Variants in ARX observed in about 807,000 individuals in gnomAD.
The protein encoded by ARX is homeobox protein ARX.
ARX carries 1 observed loss-of-function variant against 23.1 expected under a neutral mutation model. The ratio of observed to expected loss-of-function variants is 0.04; its 90% CI spans 0.02 to 0.21. ARX has a LOEUF of 0.21. ARX is among the 10% of genes least tolerant of loss of function. The pLI is 1.00. For synonymous variants in ARX, 301 were observed against 270.1 expected (o/e 1.11, Z -1.12); for missense variants, 380 against 527.5 (o/e 0.72, Z 2.74).
chrX:25,007,221 C>A lies in ARX; in HGVS notation c.1338G>T (p.Pro446=). The A allele has an allele frequency of 8.7e-7, 1 of 1,150,196 alleles. No homozygotes were observed. The highest frequency in any genetic ancestry group is 1.2e-6 in the Non-Finnish European group (1 of 868,537). 94.8% of individuals were successfully genotyped at this position (1,150,196 alleles called of 1,213,427 possible). The change falls in exon 4 of 5, where the codon CCG becomes CCT. Residue 446 remains proline (P), a synonymous_variant. Coordinates refer to ENST00000379044, the MANE Select transcript of ARX (RefSeq NM_139058.3). ...AAAAAFPSLP[P]PPGSASLPPS... ...GCGGCAGGCTGGCCGAGCCCGGAGG[C>A]GGAGGTAGGCTCGGGAAGGCGGCGG...
At position 25,015,762 on chromosome X, in the gene ARX, A is replaced by G; in HGVS notation, c.-25T>C. The G allele has an allele frequency of 8.5e-7, 1 of 1,178,484 alleles. No homozygotes were observed. Among genetic ancestry groups the G allele is most frequent in the Non-Finnish European group, 1.1e-6 (1 of 876,032 alleles). ...TGGCTGGGGCTTTTTCCCAGGGCGC[A>G]GAGAGCGGATCGCCGGCTGCCTCTC... On this transcript the variant is annotated 5_prime_UTR_variant, in exon 1 of 5. Transcript: ENST00000379044.
At chrX:25,014,600 AGGGAGT>A (rs1415295105) in intron 1 of ARX, among the ~76,000 whole-genome samples, 1 of 113,188 alleles carries the variant, frequency 8.8e-6, no homozygotes, top group Non-Finnish European at 1.9e-5. Context: ...TGGGGCAGAG[AGGGAGT>A]GGGAGTGCAG....
rs2048711805 is a variant in ARX at position 25,013,516 on chromosome X, T to C, written c.479A>G (p.Lys160Arg). ...GCTCACCTGCGGCGCCTGGCTGATCTTGAGCGTGTCCCAGGCCGCGGCGGC... is the reference window on the plus strand; with the variant it reads ...GCTCACCTGCGGCGCCTGGCTGATCCTGAGCGTGTCCCAGGCCGCGGCGGC... ...AAAAAAWDTLKISQAPQVSIS... is the reference protein window; with the variant it reads ...AAAAAAWDTLRISQAPQVSIS... The change falls in exon 2 of 5, where the codon AAG becomes AGG. Residue 160 changes from lysine to arginine, a missense_variant. Transcript: ENST00000379044. 2 of 860,631 alleles carry C rather than the reference T, an allele frequency of 2.3e-6. No homozygotes were observed. Among genetic ancestry groups the C allele is most frequent in the Non-Finnish European group, 2.8e-6 (2 of 711,260 alleles). 70.9% of individuals were successfully genotyped at this position (860,631 alleles called of 1,213,427 possible).
intron 3 of ARX, among the ~76,000 whole-genome samples, chrX:25,009,253 T>C (rs1217757558): frequency 2.7e-5 from 3 of 112,038 alleles, no homozygotes; most frequent in Non-Finnish European, 5.6e-5. Flanking sequence ...TAATAATTCA[T>C]ATTCACTTAA....
At chrX:25,005,716 C>A (rs778695598) in intron 4 of ARX, among the ~76,000 whole-genome samples, 129 of 112,763 alleles carry the variant, frequency 1.1e-3, no homozygotes, top group Non-Finnish European at 2.0e-3. Context: ...CGGCGCAAGG[C>A]GATGCCCAAG....
rs748996403 is a variant in ARX, at chrX:25,015,963, A to T, written c.-226T>A. ...GCTCAGGACAAGCGGTAACAAGTGT[A>T]GTGAGCAGCGGGCGCTGAGCTCTGG... is the stretch of plus-strand genomic sequence containing the variant. On this transcript the variant is annotated 5_prime_UTR_variant, in exon 1 of 5. Transcript: ENST00000379044. The T allele has an allele frequency of 9.3e-6, 4 of 431,317 alleles. No individual in the cohort carries two copies. In the South Asian group the frequency reaches 1.3e-4, roughly 14 times the overall value. 35.5% of individuals were successfully genotyped at this position (431,317 alleles called of 1,213,427 possible). A position where few individuals can be genotyped will look rare whatever the true frequency, so the allele number is the denominator to read the frequency against.
intron 1 of ARX, among the ~76,000 whole-genome samples, chrX:25,015,074 G>T (rs1403894748): frequency 8.9e-6 from 1 of 111,902 alleles, no homozygotes; most frequent in South Asian, 3.8e-4. Flanking sequence ...CAAGTAATCT[G>T]CAATTAAAAA....
chrX:25,014,315 A>G (rs902782345), intron 1 of ARX, among the ~76,000 whole-genome samples: 3 of 111,864 alleles, frequency 2.7e-5, no homozygotes, highest in African/African-American at 9.8e-5. Context: ...GGGGCAGAGG[A>G]AAATCCGAAA....
intron 2 of ARX, among the ~76,000 whole-genome samples, chrX:25,011,099 T>G (rs1443970411): frequency 1.8e-5 from 2 of 112,038 alleles, no homozygotes; most frequent in African/African-American, 3.2e-5. Flanking sequence ...TACAACCTGT[T>G]TACCGAAAAT....
chrX:25,013,686 CGCCGCT>C lies in ARX; in HGVS notation c.303_308del (p.Ala114_Ala115del), dbSNP rs1190722139. ...CCGCCGCCGCCGCCGCCGCCGCCGC[CGCCGCT>C]GCCGCACCCTGAAGGAGGCGGCCCC... On this transcript the variant is annotated inframe_deletion, in exon 2 of 5. Transcript: ENST00000379044. 2.3e-6 allele frequency: 2 copies of C among 860,862 alleles called. No homozygotes were observed. Among genetic ancestry groups the C allele is most frequent in the East Asian group, 5.8e-5 (1 of 17,123 alleles). 70.9% of individuals were successfully genotyped at this position (860,862 alleles called of 1,213,427 possible). A position where few individuals can be genotyped will look rare whatever the true frequency, so the allele number is the denominator to read the frequency against.
intron 2 of ARX, among the ~76,000 whole-genome samples, chrX:25,011,076 C>T (rs1199259952): frequency 8.9e-6 from 1 of 112,373 alleles, no homozygotes; most frequent in Non-Finnish European, 1.9e-5. Context: ...CATTAAGATG[C>T]TGTAAAACGG....
At position 25,007,386 on chromosome X, in the gene ARX, C is replaced by T. The variant is rs2048683054; in HGVS notation, c.1173G>A (p.Ala391=). Residue 391 remains alanine (A), a synonymous_variant, in exon 4 of 5, where the codon GCG becomes GCA. Transcript: ENST00000379044. ...AKWRKREKAG[A]QTHPPGLPFP... The stretch of plus-strand genomic sequence containing the variant: ...AGGGCAGCCCAGGGGGGTGGGTCTG[C>T]GCGCCTGCCTTCTCCCGCTTGCGCC... 8.6e-7 allele frequency: 1 copy of T among 1,156,924 alleles called. No homozygotes were observed.
intron 2 of ARX, among the ~76,000 whole-genome samples, 153 bp from the exon 3 acceptor site, chrX:25,010,458 C>T (rs1379516753): frequency 9.1e-6 from 1 of 110,233 alleles, no homozygotes; most frequent in African/African-American, 3.3e-5. Context: ...CATTCCATCA[C>T]CCCCTGGAGT....
rs1240121827 is a variant in ARX, at chrX:25,007,244, C to T, written c.1315G>A (p.Ala439Thr). 7 of 1,116,289 alleles carry T rather than the reference C, an allele frequency of 6.3e-6. No individual in the cohort carries two copies. The highest frequency in any genetic ancestry group is 8.2e-6 in the Non-Finnish European group (7 of 855,684). The allele number at this position is 1,116,289 out of a possible 1,213,427, so 92.0% of individuals were successfully genotyped here. Reference sequence around the variant, plus strand: ...GGCGGAGGTAGGCTCGGGAAGGCGGCGGCGGCGGCGGCGGCAGCGGCAGTC... The same window carrying T: ...GGCGGAGGTAGGCTCGGGAAGGCGGTGGCGGCGGCGGCGGCAGCGGCAGTC... The part of the protein sequence containing the change: ...AWTAAAAAAA[A>T]AFPSLPPPPG... The change falls in exon 4 of 5, where the codon GCC (alanine) becomes ACC (threonine). Residue 439 changes from alanine (A) to threonine (T), a missense_variant. This residue lies in a region of ARX where 121 missense variants were observed against 169.7 expected (regional missense o/e 0.71). Transcript: ENST00000379044.
rs1281833018 is a variant in ARX at position 25,004,691 on chromosome X, G to A, written c.1668C>T (p.Ser556=). 1 of 1,165,309 alleles carries A rather than the reference G, an allele frequency of 8.6e-7. No individual in the cohort carries two copies. The highest frequency in any genetic ancestry group is 2.6e-4 in the Middle Eastern group (1 of 3,811). Residue 556 remains serine (S), a synonymous_variant, in exon 5 of 5, where the codon AGC becomes AGT. Coordinates refer to ENST00000379044, the MANE Select transcript of ARX (RefSeq NM_139058.3). ...LTQLNILPGT[S]TGKEVC ...GCCTTTAGCACACCTCCTTGCCCGT[G>A]CTGGTGCCCGGCAGGATGTTGAGCT... is the stretch of plus-strand genomic sequence containing the variant.
In ARX at chrX:25,015,788, C is replaced by T. The variant is rs1273178264; in HGVS notation, c.-51G>A. On this transcript the variant is annotated 5_prime_UTR_variant, in exon 1 of 5. Coordinates refer to ENST00000379044, the MANE Select transcript of ARX (RefSeq NM_139058.3). ...GAGAGCGGATCGCCGGCTGCCTCTC[C>T]CGGAGGGTGGGATGGATGGGTGTGT... 1.8e-6 allele frequency: 2 copies of T among 1,130,675 alleles called. No homozygotes were observed. Among genetic ancestry groups the T allele is most frequent in the Non-Finnish European group, 2.4e-6 (2 of 837,700 alleles). 93.2% of individuals were successfully genotyped at this position (1,130,675 alleles called of 1,213,427 possible).
At chrX:25,005,549 C>A (rs1225950468) in intron 4 of ARX, among the ~76,000 whole-genome samples, 1 of 112,484 alleles carries the variant, frequency 8.9e-6, no homozygotes, top group Non-Finnish European at 1.9e-5. Context: ...CCAGCGCCTG[C>A]GGGTGAGAGT....
In ARX at chrX:25,013,255, T is replaced by C. The variant is rs761990833; in HGVS notation, c.740A>G (p.Asp247Gly). The C allele has an allele frequency of 8.7e-7, 1 of 1,155,817 alleles. No individual in the cohort carries two copies. Among genetic ancestry groups the C allele is most frequent in the South Asian group, 1.9e-5 (1 of 52,705 alleles). The change falls in exon 2 of 5, where the codon GAC (aspartate) becomes GGC (glycine). Residue 247 changes from aspartate to glycine, a missense_variant. Transcript: ENST00000379044. ...EDEEEELLEDDEEELLEDDAR... is the reference protein window; with the variant it reads ...EDEEEELLEDGEEELLEDDAR... ...GTCGTCCTCCAGCAGCTCCTCCTCG[T>C]CGTCCTCCAGCAGTTCCTCTTCCTC... is the stretch of plus-strand genomic sequence containing the variant.
Position 25,011,629 on chromosome X carries a change from T to A in ARX, c.1073+1293A>T, listed in dbSNP as rs1449383815. On this transcript the variant is annotated intron_variant, in intron 2 of 4. Transcript: ENST00000379044. The stretch of plus-strand genomic sequence containing the variant: ...CTGGGTGACACAGGGGAAGACCAAG[T>A]GTAGCCCAAGGGATGACCAGGTTTA... Among the ~76,000 whole-genome samples the A allele has an allele frequency of 2.6e-5, 3 of 113,273 alleles. No homozygotes were observed. The East Asian group carries it at 8.3e-4, about 31-fold the overall frequency.
Sources: gnomAD v4.1 joint callset for allele counts (sites outside exome capture counted in the v4.1 genomes callset) on GRCh38, gnomAD v4.1.1 for gene constraint, gnomAD v4.1.1 regional missense constraint, MANE v1.5 for transcripts, NCBI Gene and HGNC (gene_info 2026-07-23, HGNC 2026-07-21) for gene names.